The following DNM1L variants were observed in gnomAD, a reference collection of about 807,000 sequenced individuals.
The protein encoded by DNM1L is dynamin 1L.
DNM1L carries 33 observed loss-of-function variants against 92.8 expected under a neutral mutation model. The ratio of observed to expected loss-of-function variants is 0.36; its 90% CI spans 0.27 to 0.48. The LOEUF (loss-of-function observed/expected upper bound fraction) is 0.48, where lower values mean the gene tolerates loss of function less well. Ranked by LOEUF, DNM1L falls within the 20% of genes least tolerant of loss-of-function variation. The probability of loss-of-function intolerance (pLI) is 0.99; values close to 1 mark genes in which losing one functional copy is unlikely to be tolerated. For synonymous variants in DNM1L, 284 were observed against 305.0 expected, an observed-to-expected ratio of 0.93 and a Z score of 0.72; for missense variants, 485 against 888.8, an observed-to-expected ratio of 0.55 and a Z score of 5.78.
Position 32,703,797 on chromosome 12 carries a change from A to C in DNM1L, c.250+2235A>C, listed in dbSNP as rs575217153. Among the ~76,000 whole-genome samples, 30 of 152,258 alleles carry C rather than the reference A, an allele frequency of 2.0e-4. No homozygotes were observed. The East Asian group carries it at 4.0e-3, about 21-fold the overall frequency. ...ATGTAGCTTCATCAAAACTGGCTAA[A>C]GTAAAATATTTTAGTGTTTAATATG... On this transcript the variant is annotated intron_variant, in intron 2 of 19. Transcript: ENST00000549701.
intron 1 of DNM1L, among the ~76,000 whole-genome samples, chr12:32,695,079 A>G (rs1952384409): frequency 6.6e-6 from 1 of 152,202 alleles, no homozygotes; most frequent in Non-Finnish European, 1.5e-5. Flanking sequence ...TCTGAAGAAT[A>G]CAGACCAAGG....
At chr12:32,682,893 A>G (rs1951862882) in intron 1 of DNM1L, among the ~76,000 whole-genome samples, 1 of 152,214 alleles carries the variant, frequency 6.6e-6, no homozygotes, top group African/African-American at 2.4e-5. Flanking sequence ...TCTGTGTGAA[A>G]TGAACAGACA....
At chr12:32,679,837 C>T (rs115252776) in intron 1 of DNM1L, 17,046 of 1,001,086 alleles carry the variant, frequency 0.017, 603 homozygotes, top group African/African-American at 0.13. Flanking sequence ...GGGGGACGCG[C>T]GGGGCACTCG....
At chr12:32,728,736 T>C (rs1954320505) in intron 9 of DNM1L, 1 of 152,174 alleles carries the variant, frequency 6.6e-6, no homozygotes, top group Non-Finnish European at 1.5e-5. Context: ...ACAGCAAGTA[T>C]AGTGATGGGA....
chr12:32,742,761 T>TTTTGATTTTTTATACTTGGG lies in DNM1L; in HGVS notation c.2154+15_2154+34dup, dbSNP rs768388635. 1 of 1,614,028 alleles carries TTTTGATTTTTTATACTTGGG rather than the reference T, an allele frequency of 6.2e-7. No individual in the cohort carries two copies. The highest frequency in any genetic ancestry group is 8.5e-7 in the Non-Finnish European group (1 of 1,179,970). On this transcript the variant is annotated intron_variant, in intron 19 of 19. Transcript: ENST00000549701. ...TGATATGCTAAAGGTATTGTGGACC[T>TTTTGATTTTTTATACTTGGG]TTTGATTTTTTATACTTGGGTAGTA...
At chr12:32,726,383 C>G (rs1240312091) in intron 9 of DNM1L, 27 of 1,576,516 alleles carry the variant, frequency 1.7e-5, no homozygotes, top group Non-Finnish European at 2.3e-5. Context: ...TCCTGCTTCA[C>G]TGCTGCTTGC....
At chr12:32,736,990 A>G (rs1451747737) in intron 13 of DNM1L, 115 bp from the exon 14 acceptor site, 6 of 935,114 alleles carry the variant, frequency 6.4e-6, no homozygotes, top group Non-Finnish European at 1.0e-5. Flanking sequence ...GAGTCCCAAC[A>G]GTGAGAGGAT....
Position 32,744,935 on chromosome 12 carries a change from A to G in DNM1L, c.*1525A>G, listed in dbSNP as rs1356339470. On this transcript the variant is annotated 3_prime_UTR_variant, in exon 20 of 20. Coordinates refer to ENST00000549701, the MANE Select transcript of DNM1L (RefSeq NM_012062.5). The stretch of plus-strand genomic sequence containing the variant: ...CGTCTCTAATAGACAACACATTTAT[A>G]TTGCAGATATTACTTTTTTTTCAGT... 4 of 518,456 alleles carry G rather than the reference A, an allele frequency of 7.7e-6. No homozygotes were observed. Among genetic ancestry groups the G allele is most frequent in the African/African-American group, 7.7e-5 (4 of 51,950 alleles). The allele number at this position is 518,456 out of a possible 1,614,324, so 32.1% of individuals were successfully genotyped here. A position where few individuals can be genotyped will look rare whatever the true frequency, so the allele number is the denominator to read the frequency against.
Position 32,713,361 on chromosome 12 carries a change from AGATCC to A in DNM1L, c.610_614del (p.Asp204ArgfsTer11), listed in dbSNP as rs1301915356. 4 of 1,613,934 alleles carry A rather than the reference AGATCC, an allele frequency of 2.5e-6. No individual in the cohort carries two copies. The highest frequency in any genetic ancestry group is 1.3e-5 in the African/African-American group (1 of 75,048). Reference sequence around the variant, plus strand: ...AGGCACTTAAAATTTCAAGAGAGGTAGATCCAGATGGTAAGGACAGATGTTAATTT... The same window carrying A: ...AGGCACTTAAAATTTCAAGAGAGGTAAGATGGTAAGGACAGATGTTAATTT... On this transcript the variant is annotated frameshift_variant, in exon 6 of 20. Transcript: ENST00000549701. LOFTEE classifies it high-confidence loss of function.
In DNM1L at chr12:32,717,738, T is replaced by C. The variant is rs183808430; in HGVS notation, c.620-905T>C. Among the ~76,000 whole-genome samples, 693 of 112,476 alleles carry C rather than the reference T, an allele frequency of 6.2e-3. 24 individuals carry two copies. The highest frequency in any genetic ancestry group is 0.023 in the African/African-American group (663 of 28,376). The allele number at this position is 112,476 out of a possible 152,430, so 73.8% of individuals were successfully genotyped here. A position where few individuals can be genotyped will look rare whatever the true frequency, so the allele number is the denominator to read the frequency against. On this transcript the variant is annotated intron_variant, in intron 6 of 19. Coordinates refer to ENST00000549701, the MANE Select transcript of DNM1L (RefSeq NM_012062.5). ...GGTAGATATATATATAAAAAATACA[T>C]ATACCTAGGTAGATATATATATAAA... is the stretch of plus-strand genomic sequence containing the variant.
intron 1 of DNM1L, chr12:32,692,888 C>T (rs1952288058): frequency 6.6e-6 from 1 of 151,942 alleles, no homozygotes; most frequent in African/African-American, 2.4e-5. Flanking sequence ...TTTATATACA[C>T]ACATATAATC....
chr12:32,690,072 GTAGC>G (rs1952175576), intron 1 of DNM1L, among the ~76,000 whole-genome samples: 1 of 152,302 alleles, frequency 6.6e-6, no homozygotes, highest in African/African-American at 2.4e-5. Context: ...TAGAACTCTT[GTAGC>G]TACTCGACTT....
chr12:32,682,002 A>G (rs750035659), intron 1 of DNM1L, among the ~76,000 whole-genome samples: 1 of 152,174 alleles, frequency 6.6e-6, no homozygotes, highest in Non-Finnish European at 1.5e-5. Context: ...TCTTCCAAAA[A>G]AAAATTAAAA....
intron 6 of DNM1L, among the ~76,000 whole-genome samples, chr12:32,718,059 ATATTT>A (rs1311160071): frequency 3.0e-5 from 4 of 133,076 alleles, no homozygotes; most frequent in African/African-American, 1.1e-4. Flanking sequence ...TATACTATAC[ATATTT>A]TATATATATA....
chr12:32,716,917 G>A (rs1331639865), intron 6 of DNM1L, among the ~76,000 whole-genome samples: 4 of 146,536 alleles, frequency 2.7e-5, no homozygotes, highest in Non-Finnish European at 6.0e-5. Context: ...TAAACACCTA[G>A]GAATGGGACT....
Position 32,707,429 on chromosome 12 carries a change from T to C in DNM1L, c.297+16T>C. 1 of 1,563,592 alleles carries C rather than the reference T, an allele frequency of 6.4e-7. No individual in the cohort carries two copies. Among genetic ancestry groups the C allele is most frequent in the Non-Finnish European group, 8.7e-7 (1 of 1,151,672 alleles). On this transcript the variant is annotated intron_variant, in intron 3 of 19. Coordinates refer to ENST00000549701, the MANE Select transcript of DNM1L (RefSeq NM_012062.5). ...CAAAAATAAGGTAATCACACATGCA[T>C]ATAATGAAGAAATAATGTTGAAAAA...
At chr12:32,716,475 C>T (rs2137393945) in intron 6 of DNM1L, among the ~76,000 whole-genome samples, 1 of 152,134 alleles carries the variant, frequency 6.6e-6, no homozygotes, top group African/African-American at 2.4e-5. Context: ...AGGACTACCA[C>T]ACCCTGCTAC....
At position 32,738,148 on chromosome 12, in the gene DNM1L, G is replaced by A. The variant is rs1037800383; in HGVS notation, c.1675-116G>A. 1.0e-5 allele frequency: 13 copies of A among 1,251,264 alleles called. No homozygotes were observed. In the African/African-American group the frequency reaches 1.9e-4, roughly 19 times the overall value. The allele number at this position is 1,251,264 out of a possible 1,614,324, so 77.5% of individuals were successfully genotyped here. A position where few individuals can be genotyped will look rare whatever the true frequency, so the allele number is the denominator to read the frequency against. On this transcript the variant is annotated intron_variant, in intron 15 of 19. Transcript: ENST00000549701. ...ACATGCTTTTGCTTGCAATATAGAAGATGCACACAGAAAAAGTAATTTAAA... is the reference window on the plus strand; with the variant it reads ...ACATGCTTTTGCTTGCAATATAGAAAATGCACACAGAAAAAGTAATTTAAA...
At chr12:32,732,694 T>C (rs998190054) in intron 12 of DNM1L, 2 of 420,612 alleles carry the variant, frequency 4.8e-6, no homozygotes. Context: ...CCAGAATCAT[T>C]GGACCTTCAT....
Sources: allele counts gnomAD v4.1 joint callset (sites outside exome capture counted in the v4.1 genomes callset), GRCh38; gene constraint gnomAD v4.1.1; transcripts MANE v1.5; gene names NCBI Gene and HGNC (gene_info 2026-07-23, HGNC 2026-07-21).